MYBL2: variants seen among roughly 807,000 people sequenced by gnomAD.
MYBL2 encodes the protein MYB proto-oncogene like 2, also known as myb-related protein B.
MYBL2 carries 28 observed loss-of-function variants against 79.9 expected under a neutral mutation model. The observed-to-expected ratio is 0.35, with a 90% CI of 0.26 to 0.48. The LOEUF (loss-of-function observed/expected upper bound fraction) is 0.48. MYBL2 is among the 20% of genes least tolerant of loss of function. The probability of loss-of-function intolerance (pLI) is 0.99; values close to 1 mark genes in which losing one functional copy is unlikely to be tolerated. For missense variants in MYBL2, 735 were observed against 893.9 expected (o/e 0.82, Z 2.27); for synonymous variants, 378 against 361.2 (o/e 1.05, Z -0.53).
rs545243043 is a variant in MYBL2, at chr20:43,713,780, G to A, written c.1824+674G>A. On this transcript the variant is annotated intron_variant, in intron 12 of 13. Coordinates refer to ENST00000217026, the MANE Select transcript of MYBL2 (RefSeq NM_002466.4). ...CCCAGGCCAGTGGACTTGCTGTGCC[G>A]GGTGCTACAGTGAGGTCGACCTCAG... Among the ~76,000 whole-genome samples the A allele has an allele frequency of 1.6e-4, 25 of 152,226 alleles. 1 individual carries two copies. In the East Asian group the frequency reaches 2.3e-3, roughly 14 times the overall value.
intron 9 of MYBL2, among the ~76,000 whole-genome samples, chr20:43,706,705 CA>C (rs796756025): frequency 0.27 from 10,283 of 37,902 alleles, 954 homozygotes; most frequent in African/African-American, 0.39. Context: ...TGTCTGTACA[CA>C]AAAAAAAAAA....
Position 43,685,697 on chromosome 20 carries a change from G to A in MYBL2, c.280-1155G>A, listed in dbSNP as rs144694802. Among the ~76,000 whole-genome samples, 1,116 of 152,156 alleles carry A rather than the reference G, an allele frequency of 7.3e-3. 14 individuals carry two copies. The highest frequency in any genetic ancestry group is 0.025 in the African/African-American group (1,030 of 41,504). On this transcript the variant is annotated intron_variant, in intron 4 of 13. Transcript: ENST00000217026. ...TTGAACCCAGGAGACGGAGGTTGCA[G>A]TGAGCTGAGATCGCCCCACTGCACC...
At chr20:43,690,175 T>TAA (rs1316957584) in intron 5 of MYBL2, among the ~76,000 whole-genome samples, 3 of 151,696 alleles carry the variant, frequency 2.0e-5, no homozygotes, top group Non-Finnish European at 2.9e-5. Flanking sequence ...GGTTGTGCCT[T>TAA]CCAAGAGCTG....
chr20:43,674,007 G>A (rs1986935209), intron 2 of MYBL2, 108 bp downstream of exon 2: 15 of 949,214 alleles, frequency 1.6e-5, no homozygotes, highest in Non-Finnish European at 2.1e-5. Flanking sequence ...AGGAGGAGCC[G>A]GTGAAGGAAG....
At chr20:43,700,811 A>G (rs1282247347) in intron 7 of MYBL2, among the ~76,000 whole-genome samples, 1 of 152,078 alleles carries the variant, frequency 6.6e-6, no homozygotes, top group Non-Finnish European at 1.5e-5. Flanking sequence ...AGAGAGGTCA[A>G]GTAGTGTACC....
At chr20:43,696,367 A>C (rs1282590979) in intron 6 of MYBL2, among the ~76,000 whole-genome samples, 3 of 151,372 alleles carry the variant, frequency 2.0e-5, no homozygotes, top group Non-Finnish European at 4.4e-5. Context: ...CAGCCTGCCG[A>C]GTAGCTGGGA....
intron 6 of MYBL2, among the ~76,000 whole-genome samples, chr20:43,694,542 A>C (rs1479534129): frequency 6.6e-6 from 1 of 152,082 alleles, no homozygotes; most frequent in East Asian, 1.9e-4. Context: ...TGACAGTTAC[A>C]ATTCTTCCAC....
At chr20:43,698,633 C>T (rs2145725813) in intron 6 of MYBL2, among the ~76,000 whole-genome samples, 1 of 151,124 alleles carries the variant, frequency 6.6e-6, no homozygotes, top group South Asian at 2.1e-4. Context: ...CCGTCTCGGC[C>T]TCCCAATGTG....
At chr20:43,691,670 G>A (rs890100623) in intron 5 of MYBL2, among the ~76,000 whole-genome samples, 3 of 151,688 alleles carry the variant, frequency 2.0e-5, no homozygotes, top group Admixed American at 2.0e-4. Flanking sequence ...CTCCCAAGTA[G>A]CTGGGATTAC....
chr20:43,667,911 T>C (rs73907890), intron 1 of MYBL2, among the ~76,000 whole-genome samples: 1,703 of 152,274 alleles, frequency 0.011, 25 homozygotes, highest in African/African-American at 0.031. Flanking sequence ...CCTCTCTTCC[T>C]GTTCCCACGA....
intron 10 of MYBL2, among the ~76,000 whole-genome samples, chr20:43,710,826 G>T (rs1259072919): frequency 6.6e-6 from 1 of 152,194 alleles, no homozygotes; most frequent in Non-Finnish European, 1.5e-5. Context: ...GCACTAGTTA[G>T]TGCTCCTTTC....
chr20:43,677,727 A>G (rs1298958468), intron 2 of MYBL2, among the ~76,000 whole-genome samples: 1 of 151,044 alleles, frequency 6.6e-6, no homozygotes, highest in Non-Finnish European at 1.5e-5. Context: ...CCGGGAGGTG[A>G]GGGGCGCCTC....
In MYBL2 at chr20:43,706,719, GT is replaced by G. The variant is rs71193702; in HGVS notation, c.1505+1375del. 2.2e-3 allele frequency among the ~76,000 whole-genome samples: 154 copies of G among 70,790 alleles called. 6 individuals are homozygous for G. Among genetic ancestry groups the G allele is most frequent in the African/African-American group, 6.3e-3 (105 of 16,776 alleles). The allele number at this position is 70,790 out of a possible 152,430, so 46.4% of individuals were successfully genotyped here. A position where few individuals can be genotyped will look rare whatever the true frequency, so the allele number is the denominator to read the frequency against. ...CTGTCTGTACACAAAAAAAAAAAAAGTTTTTTTTTTTTTTGAGATGGAGTCT... is the reference window on the plus strand; with the variant it reads ...CTGTCTGTACACAAAAAAAAAAAAAGTTTTTTTTTTTTTGAGATGGAGTCT... On this transcript the variant is annotated intron_variant, in intron 9 of 13. Transcript: ENST00000217026.
intron 2 of MYBL2, 87 bp downstream of exon 2, chr20:43,673,986 A>G (rs1254789269): frequency 5.8e-6 from 7 of 1,204,106 alleles, no homozygotes; most frequent in Non-Finnish European, 8.4e-6. Flanking sequence ...GTCTCATCAG[A>G]TGGGATGAAG....
intron 10 of MYBL2, among the ~76,000 whole-genome samples, 188 bp from the exon 11 acceptor site, chr20:43,711,300 C>T (rs1014664560): frequency 4.6e-5 from 7 of 152,202 alleles, no homozygotes; most frequent in African/African-American, 7.2e-5. Context: ...GAATCAAGGT[C>T]ATCAGCTGCT....
chr20:43,696,608 A>T (rs1181748512), intron 6 of MYBL2, among the ~76,000 whole-genome samples: 2 of 152,294 alleles, frequency 1.3e-5, no homozygotes, highest in African/African-American at 4.8e-5. Flanking sequence ...CAGATCTCCA[A>T]CATTCCTGAA....
chr20:43,685,108 T>C (rs6017143), intron 4 of MYBL2, among the ~76,000 whole-genome samples: 113,429 of 147,866 alleles, frequency 0.77, 44,328 homozygotes, highest in Non-Finnish European at 0.84. Flanking sequence ...GATGGCGCCA[T>C]TGTACTCCAG....
At position 43,715,217 on chromosome 20, in the gene MYBL2, G is replaced by A. The variant is rs547298726; in HGVS notation, c.1908G>A (p.Leu636=). The A allele has an allele frequency of 7.4e-6, 12 of 1,614,246 alleles. No individual in the cohort carries two copies. The highest frequency in any genetic ancestry group is 2.7e-5 in the African/African-American group (2 of 75,070). ...EDNSLLNQGF[L]QAKPEKAAVA... ...ACAGCTTGCTCAACCAGGGCTTCTT[G>A]CAGGCCAAGCCCGAGAAGGCAGCAG... is the stretch of plus-strand genomic sequence containing the variant. The change falls in exon 13 of 14, where the codon TTG becomes TTA. Residue 636 remains leucine, a synonymous_variant. Coordinates refer to ENST00000217026, the MANE Select transcript of MYBL2 (RefSeq NM_002466.4).
Position 43,667,225 on chromosome 20 carries a change from GCTCC to G in MYBL2, c.-57_-54del. On this transcript the variant is annotated 5_prime_UTR_variant, in exon 1 of 14. Coordinates refer to ENST00000217026, the MANE Select transcript of MYBL2 (RefSeq NM_002466.4). ...CAGCCCGGGTCCTGACCCCGGCCCGGCTCCCGCTCCGGGCTCTGCCGGCGGGCGG... is the reference window on the plus strand; with the variant it reads ...CAGCCCGGGTCCTGACCCCGGCCCGGCGCTCCGGGCTCTGCCGGCGGGCGG... 1.7e-6 allele frequency: 2 copies of G among 1,180,528 alleles called. No homozygotes were observed. Among genetic ancestry groups the G allele is most frequent in the Non-Finnish European group, 2.1e-6 (2 of 952,288 alleles). 73.1% of individuals were successfully genotyped at this position (1,180,528 alleles called of 1,614,324 possible).
Sources: allele counts gnomAD v4.1 joint callset (sites outside exome capture counted in the v4.1 genomes callset), GRCh38; gene constraint gnomAD v4.1.1; transcripts MANE v1.5; gene names NCBI Gene and HGNC (gene_info 2026-07-23, HGNC 2026-07-21).